The following MAU2 variants were observed in gnomAD, a reference collection of about 807,000 sequenced individuals.
The protein encoded by MAU2 is MAU2 sister chromatid cohesion factor, also known as MAU2 chromatid cohesion factor homolog.
In MAU2, 9 loss-of-function variants were observed where a neutral mutation model predicts 89.1. That is an observed-to-expected ratio of 0.10 (90% CI 0.06 to 0.18). The LOEUF is 0.18. MAU2 is among the 10% of genes least tolerant of loss of function. The pLI, the probability that MAU2 is intolerant of heterozygous loss-of-function variation, is 1.00. For missense variants in MAU2, 425 were observed against 803.5 expected, an observed-to-expected ratio of 0.53 and a Z score of 5.69; for synonymous variants, 357 against 343.4, an observed-to-expected ratio of 1.04 and a Z score of -0.44.
At chr19:19,336,317 G>T in intron 3 of MAU2, 130 bp downstream of exon 3, 1 of 651,418 alleles carries the variant, frequency 1.5e-6, no homozygotes, top group South Asian at 1.8e-5. Context: ...GGTCGGGGTG[G>T]GAGGACAGGG....
At chr19:19,349,905 G>A (rs538000177) in intron 16 of MAU2, among the ~76,000 whole-genome samples, 17 of 152,128 alleles carry the variant, frequency 1.1e-4, no homozygotes, top group African/African-American at 3.9e-4. Flanking sequence ...GTCTCTGGTG[G>A]GACTGGCCGC....
intron 4 of MAU2, among the ~76,000 whole-genome samples, chr19:19,338,047 A>C (rs1052143487): frequency 3.3e-5 from 5 of 152,148 alleles, no homozygotes; most frequent in African/African-American, 1.2e-4. Context: ...CCGGGCCACC[A>C]CTTAGCCACC....
chr19:19,340,041 T>C, intron 5 of MAU2, among the ~76,000 whole-genome samples: 1 of 151,800 alleles, frequency 6.6e-6, no homozygotes, highest in Non-Finnish European at 1.5e-5. Context: ...GGCGGGCGCC[T>C]GTAGTCCCAG....
At chr19:19,342,445 C>G in intron 7 of MAU2, 90 bp from the exon 8 acceptor site, 1 of 1,457,480 alleles carries the variant, frequency 6.9e-7, no homozygotes, top group South Asian at 1.4e-5. Flanking sequence ...GGCAGATGCT[C>G]CCTAGAGGAA....
chr19:19,346,598 G>A (rs1007450645), intron 12 of MAU2, among the ~76,000 whole-genome samples: 4 of 152,140 alleles, frequency 2.6e-5, no homozygotes, highest in Non-Finnish European at 5.9e-5. Flanking sequence ...GTGTGTGCCA[G>A]GAGGGGATCT....
intron 1 of MAU2, among the ~76,000 whole-genome samples, chr19:19,321,337 C>T (rs531424155): frequency 6.6e-6 from 1 of 152,316 alleles, no homozygotes; most frequent in Admixed American, 6.5e-5. Flanking sequence ...TCGCCCCCCA[C>T]GCCTTATTTC....
Position 19,345,807 on chromosome 19 carries a change from C to T in MAU2, c.1221+438C>T, listed in dbSNP as rs966407003. Among the ~76,000 whole-genome samples, 8 of 152,122 alleles carry T rather than the reference C, an allele frequency of 5.3e-5. No homozygotes were observed. Among genetic ancestry groups the T allele is most frequent in the Non-Finnish European group, 7.4e-5 (5 of 67,986 alleles). The stretch of plus-strand genomic sequence containing the variant: ...AGGAGGACTCTTGGTCCTGCTGGGC[C>T]GGAGAGGGTGAAGCAGCACCCCAGG... On this transcript the variant is annotated intron_variant, in intron 12 of 18. Transcript: ENST00000262815. This position sits in a 1 kb window ranked among gnomAD's most constrained non-coding sequence, Gnocchi z 4.9.
chr19:19,323,100 G>A (rs886376740), intron 1 of MAU2, among the ~76,000 whole-genome samples: 2 of 151,754 alleles, frequency 1.3e-5, no homozygotes, highest in Non-Finnish European at 2.9e-5. Flanking sequence ...TATTGGCCAG[G>A]CTGGTCTTGA....
chr19:19,355,367 C>T lies in MAU2; in HGVS notation c.1743C>T (p.Ser581=). ...TCCAGGACCACATTGAGGCCTGCAG[C>T]CTCCCCGAACACAACCTCATCACGG... ...QLLQDHIEAC[S]LPEHNLITWT... is the part of the protein sequence containing the mutation. The change falls in exon 18 of 19, where the codon AGC becomes AGT. Residue 581 remains serine, a synonymous_variant. Coordinates refer to ENST00000262815, the MANE Select transcript of MAU2 (RefSeq NM_015329.4). 1 of 1,614,048 alleles carries T rather than the reference C, an allele frequency of 6.2e-7. No homozygotes were observed. Among genetic ancestry groups the T allele is most frequent in the Non-Finnish European group, 8.5e-7 (1 of 1,179,976 alleles).
In MAU2 at chr19:19,356,203, T is replaced by G; in HGVS notation, c.*421T>G. On this transcript the variant is annotated 3_prime_UTR_variant, in exon 19 of 19. Transcript: ENST00000262815. ...TGATGCCGAGCGGGAGTAGAGTGTT[T>G]CCTCTGCTCAAGGCAATTTCCAGAG... The G allele has an allele frequency of 2.7e-6, 1 of 368,680 alleles. No homozygotes were observed. The highest frequency in any genetic ancestry group is 5.4e-6 in the Non-Finnish European group (1 of 186,460). The allele number at this position is 368,680 out of a possible 1,614,324, so 22.8% of individuals were successfully genotyped here.
At chr19:19,332,422 T>G (rs958398119) in intron 1 of MAU2, among the ~76,000 whole-genome samples, 1 of 151,212 alleles carries the variant, frequency 6.6e-6, no homozygotes, top group Admixed American at 6.6e-5. Flanking sequence ...TAATGTCCTC[T>G]GTTTGTATGT....
intron 1 of MAU2, chr19:19,321,876 A>G (rs1331734025): frequency 1.3e-5 from 2 of 152,128 alleles, no homozygotes; most frequent in African/African-American, 2.4e-5. Flanking sequence ...GACTTCTACC[A>G]TCCATCAGTC....
intron 16 of MAU2, 111 bp from the exon 17 acceptor site, chr19:19,354,244 C>G (rs941795657): frequency 3.9e-6 from 3 of 766,316 alleles, no homozygotes; most frequent in Middle Eastern, 2.2e-4. Flanking sequence ...GAGGTCACAA[C>G]CTGGGCTGGG....
chr19:19,332,328 T>A (rs1284963066), intron 1 of MAU2, among the ~76,000 whole-genome samples: 1 of 104,078 alleles, frequency 9.6e-6, no homozygotes, highest in Non-Finnish European at 2.2e-5. Flanking sequence ...CCTGGCTGAT[T>A]TTTTTTTTTT....
At chr19:19,354,129 G>A in intron 16 of MAU2, 1 of 577,752 alleles carries the variant, frequency 1.7e-6, no homozygotes. Flanking sequence ...GCCCCTGTGA[G>A]GGCATGAGCC....
chr19:19,324,758 T>G (rs1284307516), intron 1 of MAU2, among the ~76,000 whole-genome samples: 6 of 152,248 alleles, frequency 3.9e-5, no homozygotes, highest in Non-Finnish European at 7.3e-5. Context: ...GCCAACTTTA[T>G]GCCTGGAAAT....
chr19:19,351,820 T>A lies in MAU2; in HGVS notation c.1548+2384T>A, dbSNP rs1194104773. 2.0e-5 allele frequency among the ~76,000 whole-genome samples: 3 copies of A among 151,708 alleles called. 1 individual carries two copies. Among genetic ancestry groups the A allele is most frequent in the African/African-American group, 7.3e-5 (3 of 41,316 alleles). ...ACGTCTCCCACGTGGAGGTTTTGCT[T>A]GTCAGCCTGTTTGGTAATTTTTTTT... On this transcript the variant is annotated intron_variant, in intron 16 of 18. Transcript: ENST00000262815.
chr19:19,344,946 C>T lies in MAU2; in HGVS notation c.1155+20C>T, dbSNP rs769822298. ...TTGCTGGTGAGTAACCCTGTGACAA[C>T]ACCCCGGGAGAATCCAGAATGTTCT... is the stretch of plus-strand genomic sequence containing the variant. On this transcript the variant is annotated intron_variant, in intron 11 of 18. Coordinates refer to ENST00000262815, the MANE Select transcript of MAU2 (RefSeq NM_015329.4). The T allele has an allele frequency of 2.2e-5, 36 of 1,610,278 alleles. No homozygotes were observed. Among genetic ancestry groups the T allele is most frequent in the Non-Finnish European group, 3.0e-5 (35 of 1,177,414 alleles).
rs1599933600 is a variant in MAU2, at chr19:19,357,487, C to T, written c.*1705C>T. 6.5e-6 allele frequency: 1 copy of T among 153,326 alleles called. No homozygotes were observed. The highest frequency in any genetic ancestry group is 1.4e-3 in the Middle Eastern group (1 of 722). The allele number at this position is 153,326 out of a possible 1,614,324, so 9.5% of individuals were successfully genotyped here. A position where few individuals can be genotyped will look rare whatever the true frequency, so the allele number is the denominator to read the frequency against. ...AGAGATGCCACCACTTGTGTCTCCA[C>T]AATGTGCTCCTGCCCACCCGGGTTC... On this transcript the variant is annotated 3_prime_UTR_variant, in exon 19 of 19. Coordinates refer to ENST00000262815, the MANE Select transcript of MAU2 (RefSeq NM_015329.4).
Sources: allele counts gnomAD v4.1 joint callset (sites outside exome capture counted in the v4.1 genomes callset), GRCh38; gene constraint gnomAD v4.1.1; non-coding constraint Gnocchi (gnomAD v3.1); transcripts MANE v1.5; gene names NCBI Gene and HGNC (gene_info 2026-07-23, HGNC 2026-07-21).